Variants in TRHDE observed in about 807,000 individuals in gnomAD.
TRHDE encodes the protein thyrotropin releasing hormone degrading enzyme, also known as thyrotropin-releasing hormone-degrading ectoenzyme.
In TRHDE, 72 loss-of-function variants were observed where a neutral mutation model predicts 125.7. The ratio of observed to expected loss-of-function variants is 0.57; its 90% CI spans 0.47 to 0.70. The LOEUF (loss-of-function observed/expected upper bound fraction) is 0.70, where lower values mean the gene tolerates loss of function less well. TRHDE is among the 30% of genes least tolerant of loss of function. The probability of loss-of-function intolerance (pLI) is 0.00; values close to 1 mark genes in which losing one functional copy is unlikely to be tolerated. For missense variants in TRHDE, 1,110 were observed against 1,327.1 expected (o/e 0.84, Z 2.54); for synonymous variants, 509 against 509.1 (o/e 1.00, Z 0.00).
At chr12:72,256,438 A>C (rs545371285) in intron 2 of TRHDE, 3 of 151,966 alleles carry the variant, frequency 2.0e-5, no homozygotes, top group Non-Finnish European at 4.4e-5. Flanking sequence ...TAACTATCAT[A>C]TTTAGTATTG....
intron 6 of TRHDE, among the ~76,000 whole-genome samples, chr12:72,534,030 G>A (rs1868718747): frequency 6.6e-6 from 1 of 152,058 alleles, no homozygotes; most frequent in South Asian, 2.1e-4. Context: ...TGAGTACCTG[G>A]GTATAGGCTG....
chr12:72,455,328 C>A (rs1021420401), intron 3 of TRHDE, among the ~76,000 whole-genome samples: 152 of 151,948 alleles, frequency 1.0e-3, no homozygotes, highest in African/African-American at 3.4e-3. Context: ...TGATAACAAC[C>A]AACTGGTTAT....
At chr12:72,554,478 A>G (rs76207425) in intron 7 of TRHDE, among the ~76,000 whole-genome samples, 3,251 of 152,298 alleles carry the variant, frequency 0.021, 103 homozygotes, top group African/African-American at 0.074. Context: ...TAGTTTATAT[A>G]TATCTTCTTT....
Position 72,273,189 on chromosome 12 carries a change from G to T in TRHDE, c.546G>T (p.Thr182=). The T allele has an allele frequency of 1.3e-6, 2 of 1,597,888 alleles. No individual in the cohort carries two copies. Among genetic ancestry groups the T allele is most frequent in the South Asian group, 2.2e-5 (2 of 90,346 alleles). The part of the protein sequence containing the change: ...EEEREPWEPW[T]QLRLSGHLKP... ...AGCGGGAGCCGTGGGAGCCGTGGAC[G>T]CAGCTGCGCCTGTCGGGCCACCTGA... Residue 182 remains threonine, a synonymous_variant, in exon 1 of 19, where the codon ACG becomes ACT. Coordinates refer to ENST00000261180, the MANE Select transcript of TRHDE (RefSeq NM_013381.3). This position sits in a 1 kb window ranked among gnomAD's most constrained non-coding sequence, Gnocchi z 5.3.
At chr12:72,172,158 G>A (rs911572949) in intron 2 of TRHDE, among the ~76,000 whole-genome samples, 3 of 152,126 alleles carry the variant, frequency 2.0e-5, no homozygotes, top group African/African-American at 7.2e-5. Flanking sequence ...TACATAGAAA[G>A]CTACATGGCC....
At chr12:72,544,443 C>T (rs1869309292) in intron 7 of TRHDE, among the ~76,000 whole-genome samples, 1 of 151,562 alleles carries the variant, frequency 6.6e-6, no homozygotes, top group Non-Finnish European at 1.5e-5. Flanking sequence ...TTTACATTAA[C>T]CATGGTTATT....
chr12:72,482,839 T>C (rs1231113331), intron 5 of TRHDE, among the ~76,000 whole-genome samples: 1 of 151,954 alleles, frequency 6.6e-6, no homozygotes, highest in Non-Finnish European at 1.5e-5. Context: ...GATACACTAT[T>C]GGTGGTGACT....
chr12:72,398,242 AT>A (rs1359397951), intron 3 of TRHDE, among the ~76,000 whole-genome samples: 7 of 152,010 alleles, frequency 4.6e-5, no homozygotes, highest in African/African-American at 1.7e-4. Context: ...ATTGTTGGAC[AT>A]TTGGATTGGT....
At chr12:72,594,373 C>T (rs1280058517) in intron 12 of TRHDE, among the ~76,000 whole-genome samples, 1 of 151,760 alleles carries the variant, frequency 6.6e-6, no homozygotes, top group Non-Finnish European at 1.5e-5. Context: ...CCGTCTCCAC[C>T]ATGCCCGGCT....
chr12:72,422,128 T>A (rs960629897), intron 3 of TRHDE, among the ~76,000 whole-genome samples: 3 of 152,148 alleles, frequency 2.0e-5, no homozygotes, highest in Non-Finnish European at 4.4e-5. Flanking sequence ...CATATTATAT[T>A]ATTAATTTTT....
intron 6 of TRHDE, among the ~76,000 whole-genome samples, chr12:72,512,201 T>C (rs1878608060): frequency 6.6e-6 from 1 of 151,838 alleles, no homozygotes; most frequent in African/African-American, 2.4e-5. Flanking sequence ...AACTTGGCTG[T>C]AGTGAGATTC....
In TRHDE at chr12:72,664,958, T is replaced by C. The variant is rs1875060105; in HGVS notation, c.*1763T>C. On this transcript the variant is annotated 3_prime_UTR_variant, in exon 19 of 19. Transcript: ENST00000261180. ...TCAATTAAAATACATGAATTTTAAA[T>C]ATTTTACATGATGTGAATAGGCATG... The C allele has an allele frequency of 6.6e-6, 1 of 152,114 alleles. No individual in the cohort carries two copies. Among genetic ancestry groups the C allele is most frequent in the African/African-American group, 2.4e-5 (1 of 41,462 alleles). The allele number at this position is 152,114 out of a possible 1,614,324, so 9.4% of individuals were successfully genotyped here. A position where few individuals can be genotyped will look rare whatever the true frequency, so the allele number is the denominator to read the frequency against.
At chr12:72,192,345 T>A (rs1877357861) in intron 2 of TRHDE, among the ~76,000 whole-genome samples, 1 of 152,092 alleles carries the variant, frequency 6.6e-6, no homozygotes, top group African/African-American at 2.4e-5. Flanking sequence ...AGCCGAAGTT[T>A]AAAATAGAAA....
At chr12:72,322,454 T>C (rs1411208238) in intron 2 of TRHDE, among the ~76,000 whole-genome samples, 1 of 152,166 alleles carries the variant, frequency 6.6e-6, no homozygotes, top group African/African-American at 2.4e-5. Flanking sequence ...GCATGAGTTA[T>C]ATTGCTGTTG....
chr12:72,367,091 C>T (rs1871368187), intron 2 of TRHDE, among the ~76,000 whole-genome samples: 1 of 152,066 alleles, frequency 6.6e-6, no homozygotes. Flanking sequence ...TGAGATTTTA[C>T]TCCCCATCCA....
chr12:72,352,710 C>G (rs1017884242), intron 2 of TRHDE, among the ~76,000 whole-genome samples: 2 of 151,624 alleles, frequency 1.3e-5, no homozygotes, highest in African/African-American at 2.4e-5. Context: ...TGATTCTTAT[C>G]AAATGTTTAT....
At chr12:72,504,461 G>A (rs139949666) in intron 6 of TRHDE, among the ~76,000 whole-genome samples, 9 of 152,062 alleles carry the variant, frequency 5.9e-5, no homozygotes, top group South Asian at 4.2e-4. Context: ...CCACCACCAC[G>A]ACTGGCTAAT....
At chr12:72,304,001 T>C (rs1449674829) in intron 2 of TRHDE, among the ~76,000 whole-genome samples, 1 of 152,144 alleles carries the variant, frequency 6.6e-6, no homozygotes, top group African/African-American at 2.4e-5. Context: ...GCTGCTATCA[T>C]TATCCTTATT....
intron 2 of TRHDE, among the ~76,000 whole-genome samples, chr12:72,137,969 C>G (rs1286659924): frequency 6.6e-6 from 1 of 152,188 alleles, no homozygotes; most frequent in East Asian, 1.9e-4. Context: ...TACTTCTGAA[C>G]CTTGGGTGAA....
Sources: allele counts gnomAD v4.1 joint callset (sites outside exome capture counted in the v4.1 genomes callset), GRCh38; gene constraint gnomAD v4.1.1; non-coding constraint Gnocchi (gnomAD v3.1); transcripts MANE v1.5; gene names NCBI Gene and HGNC (gene_info 2026-07-23, HGNC 2026-07-21).